Variants in MID2 observed in about 807,000 individuals in gnomAD.
The protein encoded by MID2 is probable E3 ubiquitin-protein ligase MID2.
A neutral mutation model predicts 46.1 loss-of-function variants in MID2; 13 were observed. The ratio of observed to expected loss-of-function variants is 0.28; its 90% CI spans 0.18 to 0.45. The LOEUF (loss-of-function observed/expected upper bound fraction) is 0.45, where lower values mean the gene tolerates loss of function less well. Ranked by LOEUF, MID2 falls within the 20% of genes least tolerant of loss-of-function variation. The pLI, the probability that MID2 is intolerant of heterozygous loss-of-function variation, is 1.00. For synonymous variants in MID2, 199 were observed against 212.3 expected (o/e 0.94, Z 0.55); for missense variants, 431 against 575.4 (o/e 0.75, Z 2.57).
chrX:107,877,632 A>G (rs1008399435), intron 3 of MID2, among the ~76,000 whole-genome samples: 1 of 111,708 alleles, frequency 9.0e-6, no homozygotes, highest in African/African-American at 3.3e-5. Flanking sequence ...AATTGTCTGC[A>G]CTCACCTATG....
chrX:107,889,883 G>C (rs1475364023), intron 3 of MID2, among the ~76,000 whole-genome samples: 1 of 110,142 alleles, frequency 9.1e-6, no homozygotes, highest in East Asian at 2.8e-4. Context: ...TTCCATCACT[G>C]ACACCCTTTC....
intron 2 of MID2, among the ~76,000 whole-genome samples, chrX:107,846,218 A>C (rs1017600613): frequency 9.0e-6 from 1 of 111,699 alleles, no homozygotes; most frequent in Non-Finnish European, 1.9e-5. Context: ...AAACATATGC[A>C]TGATAAGAAA....
intron 2 of MID2, among the ~76,000 whole-genome samples, chrX:107,846,986 A>AAAC (rs1048781673): frequency 8.0e-5 from 9 of 112,242 alleles, no homozygotes; most frequent in African/African-American, 2.9e-4. Flanking sequence ...AAGATCAAGG[A>AAAC]AACAAGAATT....
At chrX:107,855,417 C>T (rs967907656) in intron 3 of MID2, among the ~76,000 whole-genome samples, 4 of 111,893 alleles carry the variant, frequency 3.6e-5, no homozygotes, top group Admixed American at 1.9e-4. Context: ...GAGCATGAAA[C>T]TTATACCATT....
At chrX:107,907,948 C>A (rs1222120615) in intron 5 of MID2, among the ~76,000 whole-genome samples, 4 of 111,499 alleles carry the variant, frequency 3.6e-5, no homozygotes, top group African/African-American at 1.3e-4. Flanking sequence ...TCACTTAATC[C>A]TCAAAAAAAC....
chrX:107,896,836 G>A (rs1307973431), intron 3 of MID2, among the ~76,000 whole-genome samples: 2 of 110,368 alleles, frequency 1.8e-5, no homozygotes, highest in South Asian at 3.9e-4. Context: ...ACACACGCAC[G>A]CATACACACA....
intron 3 of MID2, among the ~76,000 whole-genome samples, chrX:107,865,189 T>G (rs747776704): frequency 8.9e-6 from 1 of 112,246 alleles, no homozygotes; most frequent in Non-Finnish European, 1.9e-5. Context: ...CATGGCTCCA[T>G]GTGCAGTGTT....
At chrX:107,837,185 T>G (rs1931227512) in intron 1 of MID2, among the ~76,000 whole-genome samples, 1 of 112,062 alleles carries the variant, frequency 8.9e-6, no homozygotes, top group African/African-American at 3.2e-5. Context: ...GGAAATAAAT[T>G]TTAGATTTCC....
chrX:107,873,764 C>T (rs1385851324), intron 3 of MID2, among the ~76,000 whole-genome samples: 11 of 111,503 alleles, frequency 9.9e-5, no homozygotes, highest in African/African-American at 3.6e-4. Flanking sequence ...GTGGCCTTTA[C>T]AATGTATTAC....
At chrX:107,894,828 AGTGTGTGTGTGT>A (rs1160011458) in intron 3 of MID2, 7 of 81,004 alleles carry the variant, frequency 8.6e-5, no homozygotes, top group Admixed American at 3.0e-4. Flanking sequence ...GAGTGGGGTG[AGTGTGTGTGTGT>A]GTGTGTGTGT....
chrX:107,904,584 A>G (rs779623405), intron 4 of MID2, among the ~76,000 whole-genome samples: 28 of 111,621 alleles, frequency 2.5e-4, no homozygotes, highest in Non-Finnish European at 4.1e-4. Context: ...ATGCTTTGTA[A>G]GAGTTGATAA....
intron 2 of MID2, among the ~76,000 whole-genome samples, chrX:107,853,387 C>G (rs908471449): frequency 9.0e-6 from 1 of 111,385 alleles, no homozygotes; most frequent in Admixed American, 9.5e-5. Flanking sequence ...GCAACCTCTG[C>G]CTCCTGGGGT....
At chrX:107,909,220 TTAGTC>T (rs1225935954) in intron 5 of MID2, among the ~76,000 whole-genome samples, 2 of 111,769 alleles carry the variant, frequency 1.8e-5, no homozygotes, top group African/African-American at 3.3e-5. Flanking sequence ...AGAGCAATGT[TTAGTC>T]TAGAGACAAT....
At chrX:107,865,111 C>G (rs142785749) in intron 3 of MID2, among the ~76,000 whole-genome samples, 154 of 111,898 alleles carry the variant, frequency 1.4e-3, no homozygotes, top group African/African-American at 4.4e-3. Context: ...AGTTTGCATC[C>G]AATTTTACTG....
chrX:107,913,198 A>AC (rs1932917481), intron 5 of MID2, among the ~76,000 whole-genome samples: 1 of 111,967 alleles, frequency 8.9e-6, no homozygotes, highest in Non-Finnish European at 1.9e-5. Context: ...TATATACTAT[A>AC]TTATACTCTA....
At chrX:107,846,452 C>T (rs1274682690) in intron 2 of MID2, among the ~76,000 whole-genome samples, 1 of 109,932 alleles carries the variant, frequency 9.1e-6, no homozygotes, top group Non-Finnish European at 1.9e-5. Flanking sequence ...CAGCCTTCAA[C>T]TCAATGCTCA....
At chrX:107,879,346 G>A (rs748466954) in intron 3 of MID2, among the ~76,000 whole-genome samples, 15 of 111,586 alleles carry the variant, frequency 1.3e-4, no homozygotes, top group Admixed American at 9.5e-5. Flanking sequence ...CAGCGGGAAG[G>A]GGAGCTGAAA....
chrX:107,910,166 A>G (rs961364641), intron 5 of MID2, among the ~76,000 whole-genome samples: 1 of 111,462 alleles, frequency 9.0e-6, no homozygotes, highest in African/African-American at 3.3e-5. Flanking sequence ...CCCTCCTCAT[A>G]CCAGCCTCTA....
chrX:107,888,378 A>G (rs1340995451), intron 3 of MID2, among the ~76,000 whole-genome samples: 1 of 111,943 alleles, frequency 8.9e-6, no homozygotes, highest in Non-Finnish European at 1.9e-5. Flanking sequence ...TCCTTTTGTT[A>G]CGTACCCAGT....
Sources: allele counts gnomAD v4.1 joint callset (sites outside exome capture counted in the v4.1 genomes callset), GRCh38; gene constraint gnomAD v4.1.1; transcripts MANE v1.5; gene names NCBI Gene and HGNC (gene_info 2026-07-23, HGNC 2026-07-21).